Variants in CPM observed in about 807,000 individuals in gnomAD.
CPM encodes carboxypeptidase M, also known as renal carboxypeptidase.
In CPM, 35 loss-of-function variants were observed where a neutral mutation model predicts 46.4. That is an observed-to-expected ratio of 0.75 (90% CI 0.58 to 1.00). CPM has a LOEUF of 1.00. CPM is among the 50% of genes least tolerant of loss of function. The pLI is 0.00. For synonymous variants in CPM, 195 were observed against 195.3 expected, an observed-to-expected ratio of 1.00 and a Z score of 0.01; for missense variants, 422 against 530.4, an observed-to-expected ratio of 0.80 and a Z score of 2.01.
intron 2 of CPM, among the ~76,000 whole-genome samples, chr12:68,931,646 G>A (rs942779329): frequency 1.3e-4 from 19 of 150,358 alleles, no homozygotes; most frequent in Admixed American, 5.3e-4. Context: ...TCGGGAGACT[G>A]AGGCAGGAGA....
At chr12:68,945,338 T>C (rs1023390087) in intron 1 of CPM, among the ~76,000 whole-genome samples, 4 of 152,212 alleles carry the variant, frequency 2.6e-5, no homozygotes, top group African/African-American at 9.6e-5. Context: ...AGCCAGCCTG[T>C]GAGACTAGAA....
upstream of CPM, among the ~76,000 whole-genome samples, chr12:68,936,638 CCTCCCAG>C (rs1888678363): frequency 6.6e-6 from 1 of 152,160 alleles, no homozygotes; most frequent in African/African-American, 2.4e-5. Context: ...CCTGCCTCAG[CCTCCCAG>C]AGTGCTGGGA....
intron 2 of CPM, among the ~76,000 whole-genome samples, chr12:68,892,719 C>T (rs1252388621): frequency 6.6e-6 from 1 of 152,016 alleles, no homozygotes; most frequent in Admixed American, 6.6e-5. Context: ...ATTAGCTGGG[C>T]GTGGTGGTAC....
At chr12:68,904,708 C>A (rs979500353) in intron 2 of CPM, among the ~76,000 whole-genome samples, 1 of 152,146 alleles carries the variant, frequency 6.6e-6, no homozygotes, top group Non-Finnish European at 1.5e-5. Flanking sequence ...GAGGTGGGCA[C>A]AAGATCACAC....
At chr12:68,932,418 C>A (rs1463815383) in intron 2 of CPM, among the ~76,000 whole-genome samples, 1 of 152,154 alleles carries the variant, frequency 6.6e-6, no homozygotes, top group Admixed American at 6.5e-5. Context: ...TCTGCAAGAT[C>A]CAAAAAGACA....
At chr12:68,935,732 AAG>A (rs1333377174), upstream of CPM, among the ~76,000 whole-genome samples, 1 of 152,040 alleles carries the variant, frequency 6.6e-6, no homozygotes, top group Non-Finnish European at 1.5e-5. Context: ...TTCATTGACT[AAG>A]AGGTCTGAGG....
intron 2 of CPM, among the ~76,000 whole-genome samples, chr12:68,910,276 T>C (rs1350007041): frequency 2.0e-5 from 3 of 152,154 alleles, no homozygotes; most frequent in Non-Finnish European, 4.4e-5. Flanking sequence ...AAAAATGAGG[T>C]ATCTCTATAT....
chr12:68,860,030 G>A (rs181406785), intron 7 of CPM, among the ~76,000 whole-genome samples: 108 of 152,240 alleles, frequency 7.1e-4, no homozygotes, highest in African/African-American at 1.7e-3. Flanking sequence ...ATTTATTAGG[G>A]CAGAAAAATA....
In CPM at chr12:68,869,313, A is replaced by G. The variant is rs1339304541; in HGVS notation, c.787+12T>C. Reference sequence around the variant, plus strand: ...GCAATAAGGAGAATGGAAGAAATGAAGAGAAACTCACCTTGGAGTGGATAC... The same window carrying G: ...GCAATAAGGAGAATGGAAGAAATGAGGAGAAACTCACCTTGGAGTGGATAC... On this transcript the variant is annotated intron_variant, in intron 6 of 8. Transcript: ENST00000551568. The G allele has an allele frequency of 6.2e-7, 1 of 1,608,102 alleles. No individual in the cohort carries two copies. The highest frequency in any genetic ancestry group is 1.3e-5 in the African/African-American group (1 of 74,450).
intron 6 of CPM, 114 bp from the exon 7 acceptor site, chr12:68,867,162 A>C: frequency 9.8e-7 from 1 of 1,020,504 alleles, no homozygotes. Context: ...GAAAAAATGA[A>C]TTTGACATAT....
Position 68,923,943 on chromosome 12 carries a change from A to G in CPM, c.160+8735T>C, listed in dbSNP as rs530923027. Among the ~76,000 whole-genome samples, 241 of 152,226 alleles carry G rather than the reference A, an allele frequency of 1.6e-3. 1 individual carries two copies. The highest frequency in any genetic ancestry group is 5.7e-3 in the African/African-American group (236 of 41,544). The stretch of plus-strand genomic sequence containing the variant: ...AAACTGTTGGGGGGAAATATTTTGT[A>G]TTTGTATACAAAAAAGATTTTGGTT... On this transcript the variant is annotated intron_variant, in intron 2 of 8. Transcript: ENST00000551568.
upstream of CPM, among the ~76,000 whole-genome samples, chr12:68,937,903 G>A (rs1888697737): frequency 6.6e-6 from 1 of 152,152 alleles, no homozygotes; most frequent in Non-Finnish European, 1.5e-5. Context: ...GAGGACCAAT[G>A]ACTAATTCTG....
intron 3 of CPM, among the ~76,000 whole-genome samples, chr12:68,873,114 G>A (rs1885782956): frequency 2.6e-5 from 4 of 152,216 alleles, no homozygotes. Flanking sequence ...ATGTTGTTGA[G>A]GGGTTAGTAA....
intron 1 of CPM, among the ~76,000 whole-genome samples, chr12:68,940,243 T>C (rs1888739996): frequency 6.6e-6 from 1 of 151,936 alleles, no homozygotes; most frequent in Non-Finnish European, 1.5e-5. Context: ...TTTCCCTTAT[T>C]ATTAACATCT....
intron 2 of CPM, among the ~76,000 whole-genome samples, chr12:68,920,723 C>T (rs1399886533): frequency 1.4e-5 from 2 of 140,212 alleles, no homozygotes; most frequent in Non-Finnish European, 3.0e-5. Context: ...GACAGAGACT[C>T]ACTGTGGGCC....
intron 2 of CPM, chr12:68,913,805 A>C: frequency 1.6e-6 from 1 of 611,608 alleles, no homozygotes; most frequent in Non-Finnish European, 3.1e-6. Context: ...AAGTTAATCC[A>C]TCTCAGCATT....
intron 3 of CPM, among the ~76,000 whole-genome samples, chr12:68,872,770 G>A (rs759761380): frequency 2.6e-5 from 4 of 151,136 alleles, no homozygotes; most frequent in Non-Finnish European, 5.9e-5. Flanking sequence ...GTCTTGCTAT[G>A]TTGCTAAGGC....
At chr12:68,920,471 A>C (rs567163145) in intron 2 of CPM, among the ~76,000 whole-genome samples, 10 of 152,244 alleles carry the variant, frequency 6.6e-5, no homozygotes, top group African/African-American at 1.7e-4. Context: ...GGGAATAAAT[A>C]TTTAACAAGG....
rs367959670 is a variant in CPM at position 68,950,204 on chromosome 12, G to A, written c.-4+12965C>T. On this transcript the variant is annotated intron_variant, in intron 1 of 8. Transcript: ENST00000546373. The stretch of plus-strand genomic sequence containing the variant: ...TGCTGTGTAGAAAAAGGTTTTGAAA[G>A]GTGGTAAATAATTAATATAAAGTAG... Among the ~76,000 whole-genome samples the A allele has an allele frequency of 2.6e-5, 4 of 152,244 alleles. No homozygotes were observed. The East Asian group carries it at 7.7e-4, about 29-fold the overall frequency.
Sources: allele counts gnomAD v4.1 joint callset (sites outside exome capture counted in the v4.1 genomes callset), GRCh38; gene constraint gnomAD v4.1.1; transcripts MANE v1.5; gene names NCBI Gene and HGNC (gene_info 2026-07-23, HGNC 2026-07-21).